Variants in RNF212B observed in about 807,000 individuals in gnomAD.
The protein encoded by RNF212B is ring finger protein 212B, also known as E3 ubiquitin-protein ligase RNF212B.
Under a neutral mutation model 55.5 loss-of-function variants are expected in RNF212B, and 52 were observed. That is an observed-to-expected ratio of 0.94 (90% confidence interval 0.75 to 1.18). The LOEUF (loss-of-function observed/expected upper bound fraction) is 1.18, where lower values mean the gene tolerates loss of function less well. RNF212B is among the 50% of genes most tolerant of loss of function. The pLI is 0.00. For synonymous variants in RNF212B, 99 were observed against 121.4 expected (o/e 0.82, Z 1.21); for missense variants, 289 against 350.4 (o/e 0.82, Z 1.40).
At chr14:23,213,229 C>A (rs1880720315) in intron 2 of RNF212B, among the ~76,000 whole-genome samples, 1 of 151,718 alleles carries the variant, frequency 6.6e-6, no homozygotes, top group African/African-American at 2.4e-5. Context: ...AGGAGAATGG[C>A]GTGAACCCGT....
chr14:23,232,727 G>T (rs1240389146), intron 2 of RNF212B, among the ~76,000 whole-genome samples: 1 of 149,874 alleles, frequency 6.7e-6, no homozygotes, highest in East Asian at 2.0e-4. Flanking sequence ...GCCCCGTCCG[G>T]GAGGGAGGTG....
chr14:23,208,584 G>T (rs1350262206), intron 2 of RNF212B, among the ~76,000 whole-genome samples: 1 of 152,034 alleles, frequency 6.6e-6, no homozygotes, highest in Non-Finnish European at 1.5e-5. Flanking sequence ...GCACAGTATT[G>T]TTACAGGAAA....
intron 1 of RNF212B, chr14:23,185,566 A>G (rs1665487496): frequency 6.6e-6 from 1 of 152,258 alleles, no homozygotes; most frequent in Non-Finnish European, 1.5e-5. Context: ...CATGAATGTG[A>G]TGAATTTGAG....
intron 1 of RNF212B, among the ~76,000 whole-genome samples, chr14:23,192,718 G>T (rs1273380381): frequency 6.6e-6 from 1 of 151,928 alleles, no homozygotes; most frequent in Non-Finnish European, 1.5e-5. Flanking sequence ...TTATGGGAAG[G>T]CCAGAAACTA....
intron 4 of RNF212B, among the ~76,000 whole-genome samples, chr14:23,245,894 A>C (rs1010541939): frequency 6.6e-6 from 1 of 152,192 alleles, no homozygotes; most frequent in African/African-American, 2.4e-5. Flanking sequence ...AGTCCTTAAT[A>C]AGTAGTGGAC....
At chr14:23,216,831 G>T (rs538018598) in intron 2 of RNF212B, among the ~76,000 whole-genome samples, 64 of 122,732 alleles carry the variant, frequency 5.2e-4, no homozygotes, top group Admixed American at 2.8e-3. Flanking sequence ...AGTGAGCTGA[G>T]ATTGCCCTAC....
upstream of RNF212B, among the ~76,000 whole-genome samples, chr14:23,233,098 T>C (rs1436700455): frequency 1.3e-5 from 2 of 152,228 alleles, no homozygotes; most frequent in Admixed American, 6.5e-5. Context: ...TGTTGATCTA[T>C]GACCTTACCC....
intron 4 of RNF212B, among the ~76,000 whole-genome samples, chr14:23,256,372 TTTAA>T (rs1309394044): frequency 8.8e-6 from 1 of 113,570 alleles, no homozygotes; most frequent in Non-Finnish European, 1.7e-5. Context: ...TTCTCCACTG[TTTAA>T]TTTTTTTTTT....
intron 2 of RNF212B, among the ~76,000 whole-genome samples, chr14:23,218,419 C>G (rs1881287685): frequency 1.3e-5 from 2 of 150,592 alleles, no homozygotes; most frequent in African/African-American, 4.9e-5. Context: ...TGAAGAAAGC[C>G]TCTTAAAAGT....
chr14:23,229,740 T>C (rs891734304), intron 2 of RNF212B, among the ~76,000 whole-genome samples: 1 of 152,202 alleles, frequency 6.6e-6, no homozygotes, highest in African/African-American at 2.4e-5. Flanking sequence ...TTGTTTGACT[T>C]TTTTGTTGTT....
chr14:23,221,619 T>C (rs1468986612), intron 2 of RNF212B, among the ~76,000 whole-genome samples: 2 of 152,230 alleles, frequency 1.3e-5, no homozygotes, highest in African/African-American at 4.8e-5. Context: ...AGACTTAATC[T>C]GTAATACTGA....
At chr14:23,248,317 A>G (rs924744934) in intron 4 of RNF212B, among the ~76,000 whole-genome samples, 1 of 148,384 alleles carries the variant, frequency 6.7e-6, no homozygotes, top group African/African-American at 2.5e-5. Context: ...TTTTTTTTTA[A>G]TAGATACAGG....
In RNF212B at chr14:23,192,966, C is replaced by T. The variant is rs192978828; in HGVS notation, c.-78-359C>T. ...AATTAGCCGGGCATGGTGGCACATG[C>T]CTGTAATCCCAGCTACTAGGGAGGC... is the stretch of plus-strand genomic sequence containing the variant. On this transcript the variant is annotated intron_variant, in intron 1 of 15. Transcript: ENST00000399910. Among the ~76,000 whole-genome samples the T allele has an allele frequency of 3.3e-5, 5 of 151,898 alleles. No homozygotes were observed. The East Asian group carries it at 7.8e-4, about 24-fold the overall frequency.
At position 23,194,193 on chromosome 14, in the gene RNF212B, A is replaced by G. The variant is rs188365719; in HGVS notation, c.-2+792A>G. 2.5e-3 allele frequency among the ~76,000 whole-genome samples: 385 copies of G among 152,322 alleles called. 2 individuals carry two copies. The highest frequency in any genetic ancestry group is 8.3e-3 in the African/African-American group (343 of 41,562). On this transcript the variant is annotated intron_variant, in intron 2 of 15. Transcript: ENST00000399910. Reference sequence around the variant, plus strand: ...AACAAAAGAGGAAAATAGGTAGCAGACAAGCACTACATAAACATGGCAGCA... The same window carrying G: ...AACAAAAGAGGAAAATAGGTAGCAGGCAAGCACTACATAAACATGGCAGCA...
At chr14:23,202,144 G>A (rs1004378415) in intron 2 of RNF212B, among the ~76,000 whole-genome samples, 2 of 151,636 alleles carry the variant, frequency 1.3e-5, no homozygotes, top group Admixed American at 6.6e-5. Flanking sequence ...CCAGCTATTC[G>A]GGAGTCTGAG....
rs139147929 is a variant in RNF212B at position 23,257,403 on chromosome 14, G to A, written c.229-1146G>A. Among the ~76,000 whole-genome samples, 140 of 152,164 alleles carry A rather than the reference G, an allele frequency of 9.2e-4. 1 individual carries two copies. The highest frequency in any genetic ancestry group is 3.2e-3 in the African/African-American group (134 of 41,520). On this transcript the variant is annotated intron_variant, in intron 4 of 14. Coordinates refer to ENST00000430154, the MANE Select transcript of RNF212B (RefSeq NM_001282322.3). The stretch of plus-strand genomic sequence containing the variant: ...TGAGGGTTTAAAAAAATAGACTAGA[G>A]TAAATTCTTATCTATCTAAAACTAG...
intron 2 of RNF212B, among the ~76,000 whole-genome samples, chr14:23,207,884 G>T (rs1257678652): frequency 1.3e-5 from 2 of 152,162 alleles, no homozygotes; most frequent in Non-Finnish European, 2.9e-5. Flanking sequence ...GTTCAGTCTG[G>T]AAAGGTGGGA....
chr14:23,205,279 CA>C (rs1214096063), intron 2 of RNF212B, among the ~76,000 whole-genome samples: 3 of 149,012 alleles, frequency 2.0e-5, no homozygotes, highest in Non-Finnish European at 4.4e-5. Flanking sequence ...TGGAATTAGA[CA>C]AAAATTTTTC....
At chr14:23,227,697 T>G (rs1274887610) in intron 2 of RNF212B, among the ~76,000 whole-genome samples, 2 of 152,058 alleles carry the variant, frequency 1.3e-5, no homozygotes, top group Non-Finnish European at 2.9e-5. Context: ...ACCTGCAGGC[T>G]CAAGAGATTC....
Sources: allele counts gnomAD v4.1 joint callset (sites outside exome capture counted in the v4.1 genomes callset), GRCh38; gene constraint gnomAD v4.1.1; transcripts MANE v1.5; gene names NCBI Gene and HGNC (gene_info 2026-07-23, HGNC 2026-07-21).